CCPG1: variants seen among roughly 807,000 people sequenced by gnomAD.
The protein encoded by CCPG1 is cell cycle progression 1.
In CCPG1, 46 loss-of-function variants were observed where a neutral mutation model predicts 81.3. That is an observed-to-expected ratio of 0.57 (90% confidence interval 0.45 to 0.72). The LOEUF (loss-of-function observed/expected upper bound fraction) is 0.72, where lower values mean the gene tolerates loss of function less well. CCPG1 is among the 30% of genes least tolerant of loss of function. The pLI is 0.00. For synonymous variants in CCPG1, 330 were observed against 305.2 expected (o/e 1.08, Z -0.85); for missense variants, 902 against 937.6 (o/e 0.96, Z 0.50).
chr15:55,391,872 T>TA (rs35532067), intron 1 of CCPG1, among the ~76,000 whole-genome samples: 2,561 of 63,112 alleles, frequency 0.041, 136 homozygotes, highest in East Asian at 0.071. Context: ...CTTGACTCTT[T>TA]AAAAAAAAAA....
chr15:55,359,238 C>T (rs1014869294), intron 8 of CCPG1: 3 of 1,046,752 alleles, frequency 2.9e-6, no homozygotes, highest in South Asian at 4.5e-5. Context: ...TTCATATAAA[C>T]TATAATGAAA....
At position 55,378,606 on chromosome 15, in the gene CCPG1, AT is replaced by A. The variant is rs11370083; in HGVS notation, c.176-231del. ...GGATAAGAAAATGCAATCATTTAAG[AT>A]TTTTTTTTTTTTTGGAGATGGAGTC... On this transcript the variant is annotated intron_variant, in intron 3 of 8. Coordinates refer to ENST00000442196, the MANE Select transcript of CCPG1 (RefSeq NM_001204450.2). Among the ~76,000 whole-genome samples, 796 of 146,514 alleles carry A rather than the reference AT, an allele frequency of 5.4e-3. 5 individuals carry two copies. Among genetic ancestry groups the A allele is most frequent in the African/African-American group, 0.015 (600 of 39,912 alleles).
chr15:55,397,456 TATG>T (rs2057043549), intron 1 of CCPG1, among the ~76,000 whole-genome samples: 1 of 152,200 alleles, frequency 6.6e-6, no homozygotes, highest in Non-Finnish European at 1.5e-5. Flanking sequence ...GCATGGCTAC[TATG>T]ATAATCCAGG....
At chr15:55,359,444 G>C (rs1169570029) in intron 8 of CCPG1, 95 bp downstream of exon 8, 1 of 1,479,082 alleles carries the variant, frequency 6.8e-7, no homozygotes, top group Non-Finnish European at 8.9e-7. Context: ...TCTTAGAAAC[G>C]GTAACCTTAC....
At position 55,372,026 on chromosome 15, in the gene CCPG1, C is replaced by G. The variant is rs2056459924; in HGVS notation, c.473G>C (p.Ser158Thr). The change falls in exon 6 of 9, where the codon AGT (serine) becomes ACT (threonine). Residue 158 changes from serine (S) to threonine (T), a missense_variant. Physicochemically the swap from Ser to Thr is moderately conservative, Grantham distance 58. This residue lies in a region of CCPG1 where 746 missense variants were observed against 728.6 expected (regional missense o/e 1.02). Coordinates refer to ENST00000442196, the MANE Select transcript of CCPG1 (RefSeq NM_001204450.2). ...TTCATCACTACTTGATTCATCGTCA[C>G]TAGGCTGAGATGAAAATACTATTAA... ...QPETVFSSQP[S>T]DDESSSDETS... 2 of 1,613,706 alleles carry G rather than the reference C, an allele frequency of 1.2e-6. No homozygotes were observed. Among genetic ancestry groups the G allele is most frequent in the South Asian group, 1.1e-5 (1 of 91,040 alleles).
chr15:55,407,407 A>G (rs79672844), intron 1 of CCPG1, among the ~76,000 whole-genome samples: 207 of 152,332 alleles, frequency 1.4e-3, no homozygotes, highest in African/African-American at 4.6e-3. Flanking sequence ...AGTAATAGCG[A>G]TATTTCAAGC....
chr15:55,407,118 C>G (rs995354525), intron 1 of CCPG1, among the ~76,000 whole-genome samples: 2 of 151,010 alleles, frequency 1.3e-5, no homozygotes, highest in African/African-American at 4.9e-5. Flanking sequence ...ATCCCAGATA[C>G]TCGGGAGGCT....
At chr15:55,390,486 T>C (rs932642392) in intron 1 of CCPG1, among the ~76,000 whole-genome samples, 2 of 152,230 alleles carry the variant, frequency 1.3e-5, no homozygotes, top group African/African-American at 2.4e-5. Context: ...GCTTCTGTTA[T>C]TGGACATATA....
chr15:55,375,170 T>C (rs576987611), intron 5 of CCPG1, among the ~76,000 whole-genome samples: 34 of 152,202 alleles, frequency 2.2e-4, no homozygotes, highest in Non-Finnish European at 4.0e-4. Context: ...AGAAGAATGG[T>C]CTTAGAACTA....
chr15:55,368,860 CCAGCACTTTGGGAG>C (rs1477513581), intron 6 of CCPG1, among the ~76,000 whole-genome samples: 1 of 152,090 alleles, frequency 6.6e-6, no homozygotes, highest in Non-Finnish European at 1.5e-5. Flanking sequence ...GCCTATAATC[CCAGCACTTTGGGAG>C]GCCGAGGCAG....
chr15:55,398,213 A>G (rs1054635816), intron 1 of CCPG1: 5 of 152,202 alleles, frequency 3.3e-5, no homozygotes, highest in African/African-American at 4.8e-5. Context: ...ACTGGAATGA[A>G]TATTACCTGA....
intron 3 of CCPG1, among the ~76,000 whole-genome samples, chr15:55,383,297 A>C (rs2056738128): frequency 6.6e-6 from 1 of 152,204 alleles, no homozygotes; most frequent in South Asian, 2.1e-4. Flanking sequence ...ACTGAGCTTA[A>C]AATATTCAGT....
intron 4 of CCPG1, 64 bp downstream of exon 4, chr15:55,378,236 G>A (rs2056606598): frequency 4.1e-6 from 4 of 975,776 alleles, no homozygotes; most frequent in East Asian, 2.5e-5. Context: ...TAGAATTAGA[G>A]GCTTTAAATA....
chr15:55,386,375 T>G (rs2141305251), intron 2 of CCPG1, among the ~76,000 whole-genome samples: 1 of 152,340 alleles, frequency 6.6e-6, no homozygotes, highest in Non-Finnish European at 1.5e-5. Context: ...TTAGACTATC[T>G]TTTTATTCTG....
intron 3 of CCPG1, among the ~76,000 whole-genome samples, chr15:55,379,154 A>C (rs1469167299): frequency 1.2e-5 from 1 of 86,182 alleles, no homozygotes; most frequent in African/African-American, 5.3e-5. Flanking sequence ...GTATGTATGT[A>C]TATGTACGTG....
At chr15:55,388,229 G>A (rs1212846468) in intron 2 of CCPG1, among the ~76,000 whole-genome samples, 1 of 152,082 alleles carries the variant, frequency 6.6e-6, no homozygotes, top group African/African-American at 2.4e-5. Context: ...GAAAATTATA[G>A]ATGTCCATTA....
Position 55,360,900 on chromosome 15 carries a change from T to C in CCPG1, c.873A>G (p.Ala291=). The C allele has an allele frequency of 6.3e-7, 1 of 1,592,066 alleles. No homozygotes were observed. The highest frequency in any genetic ancestry group is 8.5e-7 in the Non-Finnish European group (1 of 1,172,956). ...NLARCWTLTE[A]EKMSFETQKT... ...TCTGAGTTTCAAAGGACATCTTCTCTGCTTCAGTAAGTGTCCAACACCTTG... is the reference window on the plus strand; with the variant it reads ...TCTGAGTTTCAAAGGACATCTTCTCCGCTTCAGTAAGTGTCCAACACCTTG... Residue 291 remains alanine (A), a synonymous_variant, in exon 8 of 9, where the codon GCA becomes GCG. Coordinates refer to ENST00000442196, the MANE Select transcript of CCPG1 (RefSeq NM_001204450.2).
At chr15:55,359,414 C>A (rs2056145428) in intron 8 of CCPG1, 125 bp downstream of exon 8, 1 of 1,442,616 alleles carries the variant, frequency 6.9e-7, no homozygotes, top group Non-Finnish European at 9.1e-7. Flanking sequence ...TGAATTCTCT[C>A]AGTGGCCATA....
At chr15:55,362,018 T>C (rs1051964508) in intron 7 of CCPG1, among the ~76,000 whole-genome samples, 1 of 152,230 alleles carries the variant, frequency 6.6e-6, no homozygotes, top group African/African-American at 2.4e-5. Context: ...TAGATTACTA[T>C]AACTGAAAGT....
Sources: gnomAD v4.1 joint callset for allele counts (sites outside exome capture counted in the v4.1 genomes callset) on GRCh38, gnomAD v4.1.1 for gene constraint, gnomAD v4.1.1 regional missense constraint, MANE v1.5 for transcripts, NCBI Gene and HGNC (gene_info 2026-07-23, HGNC 2026-07-21) for gene names.